GCC2: variants seen among roughly 807,000 people sequenced by gnomAD.
The protein encoded by GCC2 is GRIP and coiled-coil domain containing 2, also known as GRIP and coiled-coil domain-containing protein 2.
GCC2 carries 120 observed loss-of-function variants against 210.6 expected under a neutral mutation model. The ratio of observed to expected loss-of-function variants is 0.57; its 90% CI spans 0.49 to 0.66. The LOEUF is 0.66. Among genes scored for constraint, GCC2 ranks in the 30% least tolerant of loss-of-function variants. GCC2 has a pLI of 0.00. For synonymous variants in GCC2, 703 were observed against 652.7 expected, an observed-to-expected ratio of 1.08 and a Z score of -1.17; for missense variants, 1,868 against 1,871.9, an observed-to-expected ratio of 1.00 and a Z score of 0.04.
Position 108,469,888 on chromosome 2 carries a change from A to T in GCC2, c.559A>T (p.Ile187Phe). 3.1e-6 allele frequency: 5 copies of T among 1,613,342 alleles called. No individual in the cohort carries two copies. Among genetic ancestry groups the T allele is most frequent in the Non-Finnish European group, 4.2e-6 (5 of 1,179,614 alleles). Residue 187 changes from isoleucine to phenylalanine, a missense_variant, in exon 6 of 23, where the codon ATT becomes TTT. By Grantham distance (21) the Ile-to-Phe change is conservative. Around this residue, in one of 3 missense-constraint regions of GCC2, gnomAD observed 1,847 missense variants for 1,765.2 expected, o/e 1.05. Coordinates refer to ENST00000309863, the MANE Select transcript of GCC2 (RefSeq NM_181453.4). ...TAATGTTAAAAAACTACAAGAAGAGATTGAGAAAATTAGGCCAGGCTTTGA... is the reference window on the plus strand; with the variant it reads ...TAATGTTAAAAAACTACAAGAAGAGTTTGAGAAAATTAGGCCAGGCTTTGA... The part of the protein sequence containing the change: ...EDNVKKLQEE[I>F]EKIRPGFEEQ...
intron 13 of GCC2, 85 bp from the exon 14 acceptor site, chr2:108,485,551 A>C: frequency 1.4e-6 from 1 of 721,332 alleles, no homozygotes; most frequent in Non-Finnish European, 2.3e-6. Flanking sequence ...AAGACAAGCC[A>C]ATACAAAGAA....
intron 4 of GCC2, among the ~76,000 whole-genome samples, chr2:108,453,991 TATTTATTTATTTATTTTG>T (rs1466643344): frequency 6.6e-6 from 1 of 151,930 alleles, no homozygotes; most frequent in Admixed American, 6.6e-5. Context: ...TATTTATTTT[TATTTATTTATTTATTTTG>T]AGACAGAGTC....
In GCC2 at chr2:108,492,661, C is replaced by T. The variant is rs1298747880; in HGVS notation, c.4318C>T (p.Arg1440Ter). ...SQLTSQNEVL[R>*]NSFRDQVRHL... ...GCTAACATCCCAGAACGAGGTCCTT[C>T]GAAATAGCTTCCGAGATCAAGTGCG... is the stretch of plus-strand genomic sequence containing the variant. Residue 1440 changes from arginine (R) to a stop codon, truncating the protein, a stop_gained, in exon 19 of 23, where the codon CGA (arginine) becomes TGA (stop). Transcript: ENST00000309863. LOFTEE classifies it high-confidence loss of function. The T allele has an allele frequency of 5.6e-6, 9 of 1,613,752 alleles. No individual in the cohort carries two copies. The highest frequency in any genetic ancestry group is 2.2e-5 in the South Asian group (2 of 91,064).
rs1385057139 is a variant in GCC2, at chr2:108,482,537, G to C, written c.3345+86G>C. ...TAAATGAAGGGAAGACTTACTAAGA[G>C]TAGCATTTATGAATACAGCAGAGTT... On this transcript the variant is annotated intron_variant, in intron 11 of 22. Transcript: ENST00000309863. The C allele has an allele frequency of 1.0e-5, 7 of 672,274 alleles. No homozygotes were observed. In the African/African-American group the frequency reaches 1.3e-4, roughly 12 times the overall value. 41.6% of individuals were successfully genotyped at this position (672,274 alleles called of 1,614,324 possible). A position where few individuals can be genotyped will look rare whatever the true frequency, so the allele number is the denominator to read the frequency against.
chr2:108,471,545 A>T lies in GCC2; in HGVS notation c.2216A>T (p.Asp739Val). 1.2e-6 allele frequency: 2 copies of T among 1,606,994 alleles called. No individual in the cohort carries two copies. Among genetic ancestry groups the T allele is most frequent in the Non-Finnish European group, 1.7e-6 (2 of 1,176,784 alleles). ...KKLQLMVEEQ[D>V]NLNKLLENEQ... ...CTTCAGTTAATGGTTGAAGAGCAAG[A>T]TAATTTAAATAAACTGCTTGAAAAT... is the stretch of plus-strand genomic sequence containing the variant. The change falls in exon 6 of 23, where the codon GAT becomes GTT. Residue 739 changes from aspartate to valine, a missense_variant. Asp to Val is a radical substitution (Grantham distance 152). Transcript: ENST00000309863.
chr2:108,452,529 C>T, intron 4 of GCC2, 63 bp downstream of exon 4: 2 of 960,654 alleles, frequency 2.1e-6, no homozygotes, highest in South Asian at 2.7e-5. Context: ...TGTCAGTCTG[C>T]TAGAGGCTAT....
chr2:108,506,722 T>C (rs1336723061), intron 22 of GCC2, among the ~76,000 whole-genome samples: 1 of 151,896 alleles, frequency 6.6e-6, no homozygotes, highest in Non-Finnish European at 1.5e-5. Context: ...TTTAAAAGAA[T>C]TTTTTTTTAA....
rs1413911795 is a variant in GCC2, at chr2:108,509,264, G to T, written c.*1634G>T. 2.0e-5 allele frequency: 3 copies of T among 152,488 alleles called. No individual in the cohort carries two copies. Among genetic ancestry groups the T allele is most frequent in the Admixed American group, 2.0e-4 (3 of 15,256 alleles). 9.4% of individuals were successfully genotyped at this position (152,488 alleles called of 1,614,324 possible). On this transcript the variant is annotated 3_prime_UTR_variant, in exon 23 of 23. Coordinates refer to ENST00000309863, the MANE Select transcript of GCC2 (RefSeq NM_181453.4). Reference sequence around the variant, plus strand: ...GTTTTGAAATATAGTCTCTGCTTACGAATGTCATAACAAAATAATTTTTTG... The same window carrying T: ...GTTTTGAAATATAGTCTCTGCTTACTAATGTCATAACAAAATAATTTTTTG...
chr2:108,459,772 T>TTTTTTTTTTTTTTTTTTC (rs1680462681), intron 4 of GCC2, among the ~76,000 whole-genome samples: 1 of 135,566 alleles, frequency 7.4e-6, no homozygotes, highest in East Asian at 2.2e-4. Flanking sequence ...TTTTTTTTTT[T>TTTTTTTTTTTTTTTTTTC]TTTTTTACTA....
At chr2:108,484,675 G>A (rs985070778) in intron 13 of GCC2, 1 of 152,588 alleles carries the variant, frequency 6.6e-6, no homozygotes, top group Non-Finnish European at 1.5e-5. Context: ...TATTAAATAG[G>A]GAATCCTTTC....
chr2:108,467,459 T>C (rs1232949799), intron 4 of GCC2, among the ~76,000 whole-genome samples: 1 of 152,204 alleles, frequency 6.6e-6, no homozygotes, highest in Non-Finnish European at 1.5e-5. Flanking sequence ...ATTTCTTTTT[T>C]AATCTTTATG....
In GCC2 at chr2:108,487,696, T is replaced by G. The variant is rs1327812456; in HGVS notation, c.3931-3T>G. On this transcript the variant is annotated splice_polypyrimidine_tract_variant and splice_region_variant and intron_variant, in intron 16 of 22. Coordinates refer to ENST00000309863, the MANE Select transcript of GCC2 (RefSeq NM_181453.4). ...AAACGTTTCTCTCTTTTAAATGTTATAGGCAGAACAAGCTACTGTAACCTC... is the reference window on the plus strand; with the variant it reads ...AAACGTTTCTCTCTTTTAAATGTTAGAGGCAGAACAAGCTACTGTAACCTC... 1.2e-6 allele frequency: 2 copies of G among 1,610,078 alleles called. No individual in the cohort carries two copies. The highest frequency in any genetic ancestry group is 1.7e-5 in the Admixed American group (1 of 58,952).
intron 1 of GCC2, 23 bp downstream of exon 1, chr2:108,449,303 C>T: frequency 1.3e-6 from 2 of 1,548,156 alleles, no homozygotes; most frequent in Non-Finnish European, 8.7e-7. Flanking sequence ...GGGCCCACTG[C>T]CTCCCATCAA....
At position 108,481,543 on chromosome 2, in the gene GCC2, T is replaced by G. The variant is rs192267984; in HGVS notation, c.3061-154T>G. Among the ~76,000 whole-genome samples, 328 of 152,336 alleles carry G rather than the reference T, an allele frequency of 2.2e-3. 3 individuals are homozygous for G. The highest frequency in any genetic ancestry group is 7.3e-3 in the African/African-American group (305 of 41,576). On this transcript the variant is annotated intron_variant, in intron 9 of 22. Transcript: ENST00000309863. ...AAAAGTTACCCAAAATGTGCTAGTT[T>G]TATTACCTAATGCCAGTTAGGTATT...
intron 4 of GCC2, among the ~76,000 whole-genome samples, chr2:108,465,923 C>T (rs1173251001): frequency 2.0e-5 from 3 of 152,168 alleles, no homozygotes; most frequent in African/African-American, 7.2e-5. Context: ...GGCACAATCT[C>T]GGCTCACCGC....
chr2:108,493,132 C>A (rs1034204561), intron 19 of GCC2, among the ~76,000 whole-genome samples: 1 of 152,326 alleles, frequency 6.6e-6, no homozygotes, highest in African/African-American at 2.4e-5. Flanking sequence ...CTGTGTCGCC[C>A]AGGCTGGAGT....
chr2:108,481,667 TACC>T (rs747893017), intron 9 of GCC2, 27 bp from the exon 10 acceptor site: 1 of 1,553,864 alleles, frequency 6.4e-7, no homozygotes, highest in South Asian at 1.2e-5. Flanking sequence ...CAAAATTATA[TACC>T]AAAGTTAAAT....
In GCC2 at chr2:108,481,771, T is replaced by C. The variant is rs773774486; in HGVS notation, c.3135T>C (p.His1045=). The C allele has an allele frequency of 2.5e-6, 4 of 1,604,246 alleles. No homozygotes were observed. The highest frequency in any genetic ancestry group is 3.4e-6 in the Non-Finnish European group (4 of 1,174,408). Residue 1045 remains histidine (H), a synonymous_variant, in exon 10 of 23, where the codon CAT becomes CAC. Transcript: ENST00000309863. ...VEKERANNFE[H]RIEDLTRQLR... ...AAGAACGTGCTAATAATTTTGAGCA[T>C]CGTATTGAAGACCTTACAAGACAAT...
intron 22 of GCC2, among the ~76,000 whole-genome samples, chr2:108,502,831 G>T (rs986990659): frequency 6.6e-6 from 1 of 151,784 alleles, no homozygotes; most frequent in Non-Finnish European, 1.5e-5. Flanking sequence ...GCTGAGGTAG[G>T]AGAATCGCTT....
Sources: gnomAD v4.1 joint callset for allele counts (sites outside exome capture counted in the v4.1 genomes callset) on GRCh38, gnomAD v4.1.1 for gene constraint, gnomAD v4.1.1 regional missense constraint, MANE v1.5 for transcripts, NCBI Gene and HGNC (gene_info 2026-07-23, HGNC 2026-07-21) for gene names.